Variants in NKPD1 observed in about 807,000 individuals in gnomAD.
The protein encoded by NKPD1 is NTPase KAP family P-loop domain-containing protein 1.
Under a neutral mutation model 42.2 loss-of-function variants are expected in NKPD1, and 37 were observed. The ratio of observed to expected loss-of-function variants is 0.88; its 90% CI spans 0.67 to 1.15. The LOEUF is 1.15. Ranked by LOEUF, NKPD1 falls within the 50% of genes most tolerant of loss-of-function variation. The pLI is 0.00. For synonymous variants in NKPD1, 552 were observed against 536.5 expected (o/e 1.03, Z -0.40); for missense variants, 1,113 against 1,174.6 (o/e 0.95, Z 0.77).
intron 4 of NKPD1, 148 bp downstream of exon 4, chr19:45,155,637 C>T: frequency 1.4e-6 from 1 of 714,780 alleles, no homozygotes; most frequent in African/African-American, 1.9e-5. Context: ...AGAAGCAGAG[C>T]CCGGGGTAGA....
chr19:45,159,201 G>A (rs8109620), intron 2 of NKPD1, 101 bp from the exon 3 acceptor site: 354,757 of 1,129,484 alleles, frequency 0.31, 57,267 homozygotes, highest in Non-Finnish European at 0.33. Context: ...GGGGGCCAGA[G>A]TATTCTTGGG....
At position 45,153,629 on chromosome 19, in the gene NKPD1, G is replaced by T. The variant is rs755336045; in HGVS notation, c.808C>A (p.Arg270=). Residue 270 remains arginine, a synonymous_variant, in exon 5 of 5, where the codon CGG becomes AGG. Transcript: ENST00000686631. ...LQPIITEVHL[R]RRNVQFLFIR... ...AAAAGGAACTGCACGTTCCTGCGCC[G>T]CAGGTGCACCTCGGTGATGATGGGC... 1.0e-5 allele frequency: 16 copies of T among 1,582,360 alleles called. No individual in the cohort carries two copies. The Admixed American group carries it at 1.9e-4, about 19-fold the overall frequency.
chr19:45,157,532 C>A (rs1968925839), intron 3 of NKPD1, among the ~76,000 whole-genome samples: 1 of 152,026 alleles, frequency 6.6e-6, no homozygotes, highest in Non-Finnish European at 1.5e-5. Context: ...CTTCTTCAGC[C>A]TCCCATGTGG....
chr19:45,158,729 C>T lies in NKPD1; in HGVS notation c.463G>A (p.Glu155Lys), dbSNP rs994722825. Residue 155 changes from glutamate to lysine, a missense_variant, in exon 3 of 5, where the codon GAG becomes AAG. Glu to Lys is a moderately conservative substitution (Grantham distance 56). Coordinates refer to ENST00000686631, the MANE Select transcript of NKPD1 (RefSeq NM_198478.4). This position sits in a 1 kb window ranked among gnomAD's most constrained non-coding sequence, Gnocchi z 4.6. ...GGCAGGGGCCGGGCATCAGTGGGCTCGCTGGGCTTCAGGAGGACGCCAGCC... is the reference window on the plus strand; with the variant it reads ...GGCAGGGGCCGGGCATCAGTGGGCTTGCTGGGCTTCAGGAGGACGCCAGCC... ...SAAGVLLKPS[E>K]PTDARPLPAP... is the part of the protein sequence containing the mutation. 8.3e-6 allele frequency: 10 copies of T among 1,204,086 alleles called. No homozygotes were observed. Among genetic ancestry groups the T allele is most frequent in the African/African-American group, 4.9e-5 (3 of 61,766 alleles). The allele number at this position is 1,204,086 out of a possible 1,614,324, so 74.6% of individuals were successfully genotyped here.
intron 2 of NKPD1, 42 bp from the exon 3 acceptor site, chr19:45,159,142 A>G: frequency 8.0e-7 from 1 of 1,242,822 alleles, no homozygotes; most frequent in South Asian, 1.3e-5. Context: ...TGTGTCCCCG[A>G]CCCCCGGGGG....
chr19:45,161,714 G>A (rs1398048253), upstream of NKPD1, among the ~76,000 whole-genome samples: 1 of 152,210 alleles, frequency 6.6e-6, no homozygotes, highest in Non-Finnish European at 1.5e-5. Flanking sequence ...CCCCACAGAT[G>A]CCCTCTGAGG....
intron 3 of NKPD1, among the ~76,000 whole-genome samples, chr19:45,156,878 A>C (rs10416371): frequency 0.38 from 57,087 of 152,156 alleles, 11,795 homozygotes; most frequent in South Asian, 0.49. Context: ...GCCAGGAAGC[A>C]GACTCAGGAG....
rs763941672 is a variant in NKPD1, at chr19:45,151,746, T to G, written c.*192A>C. ...TCCTCACTGGTCCTTCTGTGCCTGC[T>G]CTCATGCTGGCACCGGCTTGTGGCC... On this transcript the variant is annotated 3_prime_UTR_variant, in exon 5 of 5. Coordinates refer to ENST00000686631, the MANE Select transcript of NKPD1 (RefSeq NM_198478.4). The G allele has an allele frequency of 7.4e-6, 4 of 541,870 alleles. No individual in the cohort carries two copies. Among genetic ancestry groups the G allele is most frequent in the African/African-American group, 2.0e-5 (1 of 50,294 alleles). 33.6% of individuals were successfully genotyped at this position (541,870 alleles called of 1,614,324 possible).
chr19:45,152,610 G>A lies in NKPD1; in HGVS notation c.1827C>T (p.Asp609=). ...EALFCLHDER[D]CLYEYVPDNV... is the part of the protein sequence containing the mutation. ...TGTCGGGCACGTACTCGTAGAGGCA[G>A]TCGCGCTCGTCGTGAAGGCAGAAGA... Residue 609 remains aspartate (D), a synonymous_variant, in exon 5 of 5, where the codon GAC becomes GAT. Transcript: ENST00000686631. 6.3e-7 allele frequency: 1 copy of A among 1,578,160 alleles called. No individual in the cohort carries two copies. Among genetic ancestry groups the A allele is most frequent in the Non-Finnish European group, 8.5e-7 (1 of 1,172,110 alleles).
intron 4 of NKPD1, among the ~76,000 whole-genome samples, chr19:45,154,759 A>G (rs1311996150): frequency 2.0e-5 from 3 of 152,124 alleles, no homozygotes; most frequent in African/African-American, 7.2e-5. Flanking sequence ...GCGGTGAGTC[A>G]CGCCTGTAAT....
rs2122775738 is a variant in NKPD1 at position 45,152,527 on chromosome 19, TGCA to T, written c.1907_1909del (p.Leu636del). On this transcript the variant is annotated inframe_deletion, in exon 5 of 5. Transcript: ENST00000686631. ...AAAGTCCCCCTGCTGCTGCTGCTGC[TGCA>T]GCAGGCGCACGGTGATGGGCACGGT... 1 of 1,571,844 alleles carries T rather than the reference TGCA, an allele frequency of 6.4e-7. No individual in the cohort carries two copies. The highest frequency in any genetic ancestry group is 8.6e-7 in the Non-Finnish European group (1 of 1,167,900).
chr19:45,153,921 A>C, intron 4 of NKPD1, 146 bp from the exon 5 acceptor site: 2 of 783,330 alleles, frequency 2.6e-6, no homozygotes, highest in Non-Finnish European at 3.6e-6. Flanking sequence ...GCCGCTCCTT[A>C]AAGAGCTGGA....
In NKPD1 at chr19:45,152,806, G is replaced by T. The variant is rs373185063; in HGVS notation, c.1631C>A (p.Ala544Glu). The stretch of plus-strand genomic sequence containing the variant: ...CAACAGGTCGTCGCGGCTCTGCACC[G>T]CATCGTGCAGGAACTGCAGCTTGGT... Reference protein sequence around the residue: ...RRTKLQFLHDAVQSRDDLLYR... With the variant: ...RRTKLQFLHDEVQSRDDLLYR... Residue 544 changes from alanine (A) to glutamate (E), a missense_variant, in exon 5 of 5, where the codon GCG (alanine) becomes GAG (glutamate). Transcript: ENST00000686631. 3 of 1,600,438 alleles carry T rather than the reference G, an allele frequency of 1.9e-6. No homozygotes were observed. Among genetic ancestry groups the T allele is most frequent in the Non-Finnish European group, 1.7e-6 (2 of 1,172,916 alleles).
chr19:45,160,212 G>C lies in NKPD1; in HGVS notation c.-62C>G. On this transcript the variant is annotated 5_prime_UTR_variant, in exon 2 of 5. Coordinates refer to ENST00000686631, the MANE Select transcript of NKPD1 (RefSeq NM_198478.4). ...GAGGCAGGAGGGAGCACACAGGCTT[G>C]GCGTAGCCTCTGGGGCACGAACAGC... 3 of 1,065,340 alleles carry C rather than the reference G, an allele frequency of 2.8e-6. No homozygotes were observed. Among genetic ancestry groups the C allele is most frequent in the Non-Finnish European group, 3.9e-6 (3 of 776,196 alleles). 66.0% of individuals were successfully genotyped at this position (1,065,340 alleles called of 1,614,324 possible). A position where few individuals can be genotyped will look rare whatever the true frequency, so the allele number is the denominator to read the frequency against.
rs570978306 is a variant in NKPD1 at position 45,152,704 on chromosome 19, G to A, written c.1733C>T (p.Ala578Val). 1.8e-5 allele frequency: 28 copies of A among 1,557,648 alleles called. No individual in the cohort carries two copies. In the Middle Eastern group the frequency reaches 8.4e-4, roughly 47 times the overall value. ...CTGCCCGCGCTCCGTCCCCGCCTGC[G>A]CCTGCACCGCCAGCAGCTGCGCGCT... ...GESAQLLAVQ[A>V]QAGTERGQGR... Residue 578 changes from alanine (A) to valine (V), a missense_variant, in exon 5 of 5, where the codon GCG becomes GTG. Ala to Val is a moderately conservative substitution (Grantham distance 64). Coordinates refer to ENST00000686631, the MANE Select transcript of NKPD1 (RefSeq NM_198478.4).
chr19:45,155,939 C>G (rs1160293665), intron 3 of NKPD1, 23 bp from the exon 4 acceptor site: 1 of 1,301,820 alleles, frequency 7.7e-7, no homozygotes, highest in Non-Finnish European at 1.0e-6. Context: ...AGTGGGGACA[C>G]TGAGTCAGGA....
At position 45,152,638 on chromosome 19, in the gene NKPD1, G is replaced by C. The variant is rs1404879601; in HGVS notation, c.1799C>G (p.Ala600Gly). ...DDEAARRIQEALFCLHDERDC... is the reference protein window; with the variant it reads ...DDEAARRIQEGLFCLHDERDC... ...GCGCTCGTCGTGAAGGCAGAAGAGC[G>C]CCTCCTGGATTCGCCGCGCCGCCTC... is the stretch of plus-strand genomic sequence containing the variant. The change falls in exon 5 of 5, where the codon GCG (alanine) becomes GGG (glycine). Residue 600 changes from alanine to glycine, a missense_variant. By Grantham distance (60) the Ala-to-Gly change is moderately conservative. Around this residue, in one of 3 missense-constraint regions of NKPD1, gnomAD observed 867 missense variants for 870.1 expected, o/e 1.00. Transcript: ENST00000686631. 1.3e-6 allele frequency: 2 copies of C among 1,564,180 alleles called. No individual in the cohort carries two copies. The highest frequency in any genetic ancestry group is 1.4e-5 in the African/African-American group (1 of 71,512).
In NKPD1 at chr19:45,158,840, T is replaced by C. The variant is rs952784619; in HGVS notation, c.352A>G (p.Lys118Glu). ...KGLPATSTVP[K>E]EPASAPQAPT... ...GCCTGAGGGGCGCTGGCAGGTTCCT[T>C]GGGGACAGTGGAGGTTGCAGGCAGC... is the stretch of plus-strand genomic sequence containing the variant. The change falls in exon 3 of 5, where the codon AAG becomes GAG. Residue 118 changes from lysine (K) to glutamate (E), a missense_variant. Transcript: ENST00000686631. The surrounding 1 kb of genome is among the most constrained non-coding windows in gnomAD (Gnocchi z 4.6). The C allele has an allele frequency of 7.8e-7, 1 of 1,280,260 alleles. No homozygotes were observed. The highest frequency in any genetic ancestry group is 1.5e-5 in the African/African-American group (1 of 64,756). 79.3% of individuals were successfully genotyped at this position (1,280,260 alleles called of 1,614,324 possible). A position where few individuals can be genotyped will look rare whatever the true frequency, so the allele number is the denominator to read the frequency against.
At chr19:45,157,719 CTTTTTTTTTT>C (rs34991759) in intron 3 of NKPD1, among the ~76,000 whole-genome samples, 2 of 83,352 alleles carry the variant, frequency 2.4e-5, no homozygotes, top group African/African-American at 1.0e-4. Flanking sequence ...CCCAGACATA[CTTTTTTTTTT>C]TTTTTTTTTT....
Sources: gnomAD v4.1 joint callset for allele counts (sites outside exome capture counted in the v4.1 genomes callset) on GRCh38, gnomAD v4.1.1 for gene constraint, gnomAD v4.1.1 regional missense constraint, Gnocchi (gnomAD v3.1) non-coding constraint, MANE v1.5 for transcripts, NCBI Gene and HGNC (gene_info 2026-07-23, HGNC 2026-07-21) for gene names.